Variants in RP1 observed in about 807,000 individuals in gnomAD.
The protein encoded by RP1 is oxygen-regulated protein 1.
In RP1, 16 loss-of-function variants were observed where a neutral mutation model predicts 14.8. The observed-to-expected ratio is 1.08, with a 90% CI of 0.73 to 1.65. RP1 has a LOEUF of 1.65. RP1 is among the 40% of genes most tolerant of loss of function. RP1 has a pLI of 0.00. For missense variants in RP1, 2,631 were observed against 2,535.0 expected (o/e 1.04, Z -0.81); for synonymous variants, 876 against 883.6 (o/e 0.99, Z 0.15).
At chr8:54,673,738 T>TCAAAACAA in intron 7 of RP1, 1 of 829,986 alleles carries the variant, frequency 1.2e-6, no homozygotes. Context: ...AGAGCCTGTC[T>TCAAAACAA]CAAAACAACA....
chr8:54,755,639 G>A (rs749695036), exon 21 of RP1: 18 of 1,535,792 alleles, frequency 1.2e-5, no homozygotes, highest in South Asian at 2.4e-5. Flanking sequence ...CCAGGTTGAC[G>A]TCTACACTGG....
At chr8:54,613,937 A>G (rs764652334), upstream of RP1, among the ~76,000 whole-genome samples, 9 of 152,204 alleles carry the variant, frequency 5.9e-5, no homozygotes, top group Non-Finnish European at 8.8e-5. Context: ...TGCTGTGAGG[A>G]TCATGGAAGT....
intron 7 of RP1, chr8:54,663,946 TCA>T: frequency 1.6e-6 from 2 of 1,225,306 alleles, no homozygotes; most frequent in South Asian, 3.7e-5. Flanking sequence ...GTTTTTAATT[TCA>T]CAGTTTAGTA....
exon 24 of RP1, chr8:54,783,601 C>G (rs369514593): frequency 1.3e-5 from 16 of 1,231,606 alleles, no homozygotes; most frequent in African/African-American, 1.2e-4. Flanking sequence ...GCCGGCACCA[C>G]GGCAACAGTG....
At chr8:54,854,168 T>C (rs1222953497) in intron 26 of RP1, among the ~76,000 whole-genome samples, 2 of 152,148 alleles carry the variant, frequency 1.3e-5, no homozygotes, top group Non-Finnish European at 2.9e-5. Context: ...AATTATATAA[T>C]TTATGTGGAA....
At chr8:54,810,146 A>G (rs756206997) in intron 24 of RP1, among the ~76,000 whole-genome samples, 2 of 152,166 alleles carry the variant, frequency 1.3e-5, no homozygotes, top group Non-Finnish European at 2.9e-5. Context: ...AAACATAATT[A>G]CATTTGGCAC....
At position 54,676,889 on chromosome 8, in the gene RP1, G is replaced by A. The variant is rs531294665; in HGVS notation, c.1403-1572G>A. The stretch of plus-strand genomic sequence containing the variant: ...TTTTATTTTTCCTTAAAGGAGACAA[G>A]TAATTCTTTTTTGGGAGATAGCATC... On this transcript the variant is annotated intron_variant, in intron 8 of 22. Transcript: ENST00000636932. Among the ~76,000 whole-genome samples the A allele has an allele frequency of 2.6e-5, 4 of 152,168 alleles. No individual in the cohort carries two copies. The East Asian group carries it at 5.8e-4, about 22-fold the overall frequency.
intron 27 of RP1, among the ~76,000 whole-genome samples, chr8:54,859,666 G>C (rs554001499): frequency 6.6e-6 from 1 of 152,008 alleles, no homozygotes; most frequent in African/African-American, 2.4e-5. Flanking sequence ...GTGTCAGTAT[G>C]GAGTTGTTTA....
chr8:54,711,244 A>G (rs1217748959), intron 15 of RP1, among the ~76,000 whole-genome samples: 2 of 152,144 alleles, frequency 1.3e-5, no homozygotes, highest in African/African-American at 2.4e-5. Flanking sequence ...CATACTGTAC[A>G]TCGGTAACTT....
At chr8:54,820,241 CT>C (rs1811223695) in intron 24 of RP1, among the ~76,000 whole-genome samples, 1 of 152,004 alleles carries the variant, frequency 6.6e-6, no homozygotes, top group South Asian at 2.1e-4. Flanking sequence ...GCTGTGCTGC[CT>C]GGGGCTGGGG....
At chr8:54,637,226 G>A (rs1210843674) in intron 3 of RP1, among the ~76,000 whole-genome samples, 1 of 152,156 alleles carries the variant, frequency 6.6e-6, no homozygotes, top group Non-Finnish European at 1.5e-5. Flanking sequence ...AGTATGTAGA[G>A]TGCTATGTAA....
intron 22 of RP1, among the ~76,000 whole-genome samples, chr8:54,762,717 T>C (rs1255370518): frequency 1.3e-5 from 2 of 152,232 alleles, no homozygotes; most frequent in Non-Finnish European, 2.9e-5. Context: ...ATATATCCTT[T>C]TGCAGCTCCT....
At chr8:54,663,279 C>G (rs931237467) in intron 6 of RP1, among the ~76,000 whole-genome samples, 6 of 151,986 alleles carry the variant, frequency 3.9e-5, no homozygotes, top group South Asian at 4.2e-4. Flanking sequence ...AGTGCAAGAA[C>G]AGTGATGCTG....
At chr8:54,826,361 G>A (rs1811386429) in intron 24 of RP1, among the ~76,000 whole-genome samples, 1 of 152,186 alleles carries the variant, frequency 6.6e-6, no homozygotes, top group Admixed American at 6.5e-5. Flanking sequence ...ACCTCCTGGA[G>A]GAATGCTTTT....
chr8:54,739,197 A>G (rs1409332265), intron 19 of RP1, among the ~76,000 whole-genome samples: 1 of 152,192 alleles, frequency 6.6e-6, no homozygotes, highest in Non-Finnish European at 1.5e-5. Context: ...TCCTAAGTCA[A>G]AAATGAATTT....
chr8:54,639,885 G>A (rs1324545269), intron 3 of RP1, among the ~76,000 whole-genome samples: 1 of 152,094 alleles, frequency 6.6e-6, no homozygotes, highest in Non-Finnish European at 1.5e-5. Context: ...TTTTCTCCTA[G>A]TGTAATAGCT....
At chr8:54,703,932 A>G (rs574722466) in intron 14 of RP1, among the ~76,000 whole-genome samples, 12 of 152,306 alleles carry the variant, frequency 7.9e-5, no homozygotes, top group Non-Finnish European at 1.6e-4. Flanking sequence ...CAGCCTTCAT[A>G]GAATTGTAGA....
At chr8:54,828,882 CTTTTTTTTTTTTTT>C (rs201534661) in intron 24 of RP1, among the ~76,000 whole-genome samples, 1 of 83,900 alleles carries the variant, frequency 1.2e-5, no homozygotes, top group Non-Finnish European at 2.2e-5. Flanking sequence ...TCTTCTTCTT[CTTTTTTTTTTTTTT>C]TTTTTTTTTT....
chr8:54,822,315 T>C (rs1811276052), intron 24 of RP1, among the ~76,000 whole-genome samples: 1 of 152,154 alleles, frequency 6.6e-6, no homozygotes. Flanking sequence ...GAGTAGCATA[T>C]TTGATTGTAG....
Sources: gnomAD v4.1 joint callset for allele counts (sites outside exome capture counted in the v4.1 genomes callset) on GRCh38, gnomAD v4.1.1 for gene constraint, MANE v1.5 for transcripts, NCBI Gene and HGNC (gene_info 2026-07-23, HGNC 2026-07-21) for gene names.